The following PTP4A1 variants were observed in gnomAD, a reference collection of about 807,000 sequenced individuals.
PTP4A1 encodes the protein protein tyrosine phosphatase type IVA 1.
PTP4A1 carries 9 observed loss-of-function variants against 20.5 expected under a neutral mutation model. The observed-to-expected ratio is 0.44, with a 90% CI of 0.26 to 0.77. The LOEUF (loss-of-function observed/expected upper bound fraction) is 0.77. PTP4A1 is among the 30% of genes least tolerant of loss of function. The pLI is 0.19. For synonymous variants in PTP4A1, 78 were observed against 67.4 expected (o/e 1.16, Z -0.77); for missense variants, 137 against 218.8 (o/e 0.63, Z 2.36).
chr6:63,567,119 C>T (rs1274644721), intron 3 of PTP4A1, among the ~76,000 whole-genome samples: 2 of 152,198 alleles, frequency 1.3e-5, no homozygotes, highest in East Asian at 3.9e-4. Context: ...TCTTGAACGC[C>T]CTCAAGGTCA....
intron 2 of PTP4A1, among the ~76,000 whole-genome samples, chr6:63,577,374 T>C (rs966926041): frequency 1.3e-5 from 2 of 152,196 alleles, no homozygotes; most frequent in African/African-American, 2.4e-5. Flanking sequence ...AATCCAATTT[T>C]CAACTACAAA....
intron 3 of PTP4A1, among the ~76,000 whole-genome samples, chr6:63,551,554 T>A (rs908728427): frequency 1.3e-5 from 2 of 152,224 alleles, no homozygotes; most frequent in African/African-American, 4.8e-5. Context: ...TTTTTAATTA[T>A]ACTTTAAGTT....
upstream of PTP4A1, among the ~76,000 whole-genome samples, chr6:63,567,700 C>T (rs147009717): frequency 7.0e-3 from 1,060 of 152,304 alleles, 7 homozygotes; most frequent in African/African-American, 0.023. Context: ...GCCTGTCCTT[C>T]GAAGCTTTGA....
rs1275743450 is a variant in PTP4A1, at chr6:63,576,656, T to G, written c.-225T>G. On this transcript the variant is annotated 5_prime_UTR_variant, in exon 2 of 6. Coordinates refer to ENST00000626021, the MANE Select transcript of PTP4A1 (RefSeq NM_003463.5). ...AGTTCTGACCTGGATGGGGTAAACC[T>G]CAGTGCACTTCTTTTCTGTTGGCCT... 1.8e-6 allele frequency: 1 copy of G among 569,174 alleles called. No individual in the cohort carries two copies. The highest frequency in any genetic ancestry group is 3.1e-6 in the Non-Finnish European group (1 of 324,842). The allele number at this position is 569,174 out of a possible 1,614,324, so 35.3% of individuals were successfully genotyped here.
At chr6:63,564,665 C>A (rs1244707573) in intron 3 of PTP4A1, among the ~76,000 whole-genome samples, 1 of 152,194 alleles carries the variant, frequency 6.6e-6, no homozygotes, top group African/African-American at 2.4e-5. Context: ...CATTCCCTTT[C>A]TCTAGCCAGA....
In PTP4A1 at chr6:63,578,524, G is replaced by C. The variant is rs148008064; in HGVS notation, c.193G>C (p.Val65Leu). 3 of 1,610,694 alleles carry C rather than the reference G, an allele frequency of 1.9e-6. No homozygotes were observed. In the African/African-American group the frequency reaches 4.0e-5, roughly 22 times the overall value. ...TCTTGTGGAGAAAGAAGGTATCCAT[G>C]TTCTTGTAAGTATTTAACAGTTCTT... Reference protein sequence around the residue: ...TTLVEKEGIHVLDWPFDDGAP... With the variant: ...TTLVEKEGIHLLDWPFDDGAP... Residue 65 changes from valine (V) to leucine (L), a missense_variant, in exon 3 of 6, where the codon GTT becomes CTT. Physicochemically the swap from Val to Leu is conservative, Grantham distance 32. Transcript: ENST00000626021.
intron 2 of PTP4A1, among the ~76,000 whole-genome samples, chr6:63,548,390 C>T (rs150460337): frequency 5.8e-4 from 88 of 152,282 alleles, no homozygotes; most frequent in African/African-American, 1.9e-3. Context: ...AGGCTTAGAA[C>T]GGCACTAGGC....
At chr6:63,534,174 A>G (rs1002136610) in intron 2 of PTP4A1, among the ~76,000 whole-genome samples, 11 of 152,102 alleles carry the variant, frequency 7.2e-5, no homozygotes, top group African/African-American at 2.7e-4. Context: ...GGAAACTGCC[A>G]TTCATCACAA....
At chr6:63,524,429 G>A (rs1775073665) in intron 1 of PTP4A1, among the ~76,000 whole-genome samples, 2 of 152,096 alleles carry the variant, frequency 1.3e-5, no homozygotes, top group Admixed American at 1.3e-4. Context: ...CTTCTAAGAG[G>A]ACATCAATTT....
At chr6:63,579,529 G>A (rs1396763603) in intron 5 of PTP4A1, among the ~76,000 whole-genome samples, 198 bp downstream of exon 5, 1 of 152,158 alleles carries the variant, frequency 6.6e-6, no homozygotes, top group African/African-American at 2.4e-5. Flanking sequence ...TCCAACAAGA[G>A]TTTTTGAATT....
upstream of PTP4A1, among the ~76,000 whole-genome samples, chr6:63,519,912 A>T (rs866357639): frequency 1.3e-5 from 2 of 152,250 alleles, no homozygotes; most frequent in South Asian, 4.1e-4. Context: ...TATTTTGACA[A>T]ATGGACTTGA....
intron 3 of PTP4A1, among the ~76,000 whole-genome samples, chr6:63,555,461 G>A (rs1358196065): frequency 6.6e-6 from 1 of 152,180 alleles, no homozygotes; most frequent in East Asian, 1.9e-4. Flanking sequence ...TTATCCATTT[G>A]TATAAATGGC....
At chr6:63,531,681 G>A (rs1775473323) in intron 2 of PTP4A1, among the ~76,000 whole-genome samples, 1 of 151,832 alleles carries the variant, frequency 6.6e-6, no homozygotes, top group African/African-American at 2.4e-5. Context: ...TTGTAGGGAT[G>A]GGGTTTTACC....
upstream of PTP4A1, among the ~76,000 whole-genome samples, chr6:63,520,408 C>G (rs1774876948): frequency 6.6e-6 from 1 of 152,134 alleles, no homozygotes; most frequent in South Asian, 2.1e-4. Flanking sequence ...GGGCGGATCA[C>G]TTGAGGCCAG....
intron 2 of PTP4A1, among the ~76,000 whole-genome samples, chr6:63,541,553 A>G (rs2149484187): frequency 6.6e-6 from 1 of 152,260 alleles, no homozygotes; most frequent in Non-Finnish European, 1.5e-5. Context: ...AAGAAAAACA[A>G]TTTAAGTCTG....
At chr6:63,546,897 C>T (rs781780035) in intron 2 of PTP4A1, among the ~76,000 whole-genome samples, 7 of 152,084 alleles carry the variant, frequency 4.6e-5, no homozygotes, top group Non-Finnish European at 7.3e-5. Flanking sequence ...TTATGTATTT[C>T]GCAATGTGTA....
upstream of PTP4A1, chr6:63,571,321 C>T (rs749803860): frequency 5.3e-5 from 8 of 152,178 alleles, no homozygotes; most frequent in Non-Finnish European, 1.0e-4. Context: ...CAATCTCATA[C>T]TCGGTGAAAA....
intron 3 of PTP4A1, among the ~76,000 whole-genome samples, chr6:63,560,729 T>C (rs1334345640): frequency 6.6e-6 from 1 of 152,122 alleles, no homozygotes; most frequent in Non-Finnish European, 1.5e-5. Flanking sequence ...TGAAATTAAG[T>C]TCAATAGAAA....
intron 3 of PTP4A1, among the ~76,000 whole-genome samples, chr6:63,560,562 A>G (rs1776900044): frequency 6.6e-6 from 1 of 151,658 alleles, no homozygotes; most frequent in Non-Finnish European, 1.5e-5. Context: ...ACCATGGCCC[A>G]CTAATCTGTG....
Sources: gnomAD v4.1 joint callset for allele counts (sites outside exome capture counted in the v4.1 genomes callset) on GRCh38, gnomAD v4.1.1 for gene constraint, MANE v1.5 for transcripts, NCBI Gene and HGNC (gene_info 2026-07-23, HGNC 2026-07-21) for gene names.